The following SCARA5 variants were observed in gnomAD, a reference collection of about 807,000 sequenced individuals.
SCARA5 encodes scavenger receptor class A, member 5 (putative).
A neutral mutation model predicts 46.3 loss-of-function variants in SCARA5; 45 were observed. The observed-to-expected ratio is 0.97, with a 90% CI of 0.76 to 1.24. The LOEUF (loss-of-function observed/expected upper bound fraction) is 1.24. SCARA5 is among the 50% of genes most tolerant of loss of function. SCARA5 has a pLI of 0.00. For missense variants in SCARA5, 680 were observed against 689.0 expected (o/e 0.99, Z 0.15); for synonymous variants, 333 against 306.5 (o/e 1.09, Z -0.90).
intron 7 of SCARA5, among the ~76,000 whole-genome samples, chr8:27,901,581 C>T (rs1344765440): frequency 6.6e-6 from 1 of 152,126 alleles, no homozygotes; most frequent in African/African-American, 2.4e-5. Flanking sequence ...ATGGTTAATG[C>T]TTCTGGGACT....
At chr8:27,880,417 A>G (rs1057234621) in intron 7 of SCARA5, among the ~76,000 whole-genome samples, 1 of 151,910 alleles carries the variant, frequency 6.6e-6, no homozygotes, top group African/African-American at 2.4e-5. Context: ...ACCTATCAAC[A>G]AAGTGAACAG....
At chr8:27,945,615 C>G (rs1808023571) in intron 3 of SCARA5, among the ~76,000 whole-genome samples, 1 of 152,142 alleles carries the variant, frequency 6.6e-6, no homozygotes, top group African/African-American at 2.4e-5. Context: ...AAATCAACAA[C>G]AAGTAAATAA....
rs1451647428 is a variant in SCARA5, at chr8:27,871,301, T to C, written c.*633A>G. 2 of 350,708 alleles carry C rather than the reference T, an allele frequency of 5.7e-6. No individual in the cohort carries two copies. The highest frequency in any genetic ancestry group is 4.4e-5 in the African/African-American group (2 of 45,012). 21.7% of individuals were successfully genotyped at this position (350,708 alleles called of 1,614,324 possible). On this transcript the variant is annotated 3_prime_UTR_variant, in exon 9 of 9. Transcript: ENST00000354914. The stretch of plus-strand genomic sequence containing the variant: ...ACTATTTAGCGTGCCATGGTAGTCA[T>C]TCAATGTTAGTTTCATTCCCTTCTC...
At chr8:27,963,217 G>C (rs1453531690) in intron 3 of SCARA5, among the ~76,000 whole-genome samples, 4 of 152,218 alleles carry the variant, frequency 2.6e-5, no homozygotes, top group Non-Finnish European at 5.9e-5. Context: ...GTAAGACTGA[G>C]CTCCCTCTGA....
chr8:27,924,621 G>A (rs1807652573), intron 3 of SCARA5, among the ~76,000 whole-genome samples: 1 of 152,208 alleles, frequency 6.6e-6, no homozygotes, highest in Non-Finnish European at 1.5e-5. Context: ...AGTGCTGACT[G>A]TCAGAATTTT....
chr8:27,918,614 GA>G (rs1807509775), intron 4 of SCARA5, among the ~76,000 whole-genome samples: 1 of 144,742 alleles, frequency 6.9e-6, no homozygotes, highest in African/African-American at 2.6e-5. Context: ...GGAGGAGGAA[GA>G]GGAGGGGGAG....
At chr8:27,936,117 C>T (rs1807852849) in intron 3 of SCARA5, among the ~76,000 whole-genome samples, 2 of 152,202 alleles carry the variant, frequency 1.3e-5, no homozygotes, top group South Asian at 4.2e-4. Flanking sequence ...GCAGGAGACC[C>T]CTTTGAGAAA....
In SCARA5 at chr8:27,898,005, C is replaced by T. The variant is rs532950378; in HGVS notation, c.1153+6773G>A. Among the ~76,000 whole-genome samples the T allele has an allele frequency of 5.3e-5, 8 of 152,360 alleles. No individual in the cohort carries two copies. The East Asian group carries it at 1.2e-3, about 22-fold the overall frequency. On this transcript the variant is annotated intron_variant, in intron 7 of 8. Transcript: ENST00000354914. The stretch of plus-strand genomic sequence containing the variant: ...TAAGCATTTTTTCCCTGCCAGGGCA[C>T]GGGCCCAGCTCTGGTCTCTCTCCCT...
chr8:27,947,829 C>T (rs1261971203), intron 3 of SCARA5, among the ~76,000 whole-genome samples: 5 of 151,944 alleles, frequency 3.3e-5, no homozygotes, highest in African/African-American at 1.2e-4. Context: ...GAGCTGAGAT[C>T]ACGCCACTGT....
chr8:27,986,404 G>A (rs965425207), intron 2 of SCARA5, among the ~76,000 whole-genome samples: 7 of 152,196 alleles, frequency 4.6e-5, no homozygotes, highest in Non-Finnish European at 1.0e-4. Flanking sequence ...CTTCTACTGG[G>A]ATCATAAGCC....
intron 4 of SCARA5, among the ~76,000 whole-genome samples, chr8:27,917,674 T>C (rs1807483992): frequency 6.6e-6 from 1 of 152,230 alleles, no homozygotes; most frequent in Non-Finnish European, 1.5e-5. Context: ...AAGACCTTTT[T>C]GCAGGATGTG....
At chr8:27,946,311 G>A (rs1311258620) in intron 3 of SCARA5, among the ~76,000 whole-genome samples, 3 of 152,208 alleles carry the variant, frequency 2.0e-5, no homozygotes, top group Admixed American at 6.5e-5. Context: ...ACCAGGATTC[G>A]TGAAAACAAC....
At chr8:27,897,913 TACAA>T (rs1807091104) in intron 7 of SCARA5, among the ~76,000 whole-genome samples, 1 of 152,268 alleles carries the variant, frequency 6.6e-6, no homozygotes, top group Admixed American at 6.5e-5. Context: ...ATATCCAGAA[TACAA>T]ATATTAGTGG....
chr8:27,918,228 G>A (rs1025608005), intron 4 of SCARA5, among the ~76,000 whole-genome samples: 4 of 152,164 alleles, frequency 2.6e-5, no homozygotes, highest in African/African-American at 9.7e-5. Context: ...CTTGAGTAAG[G>A]CAGGGACTTC....
intron 7 of SCARA5, chr8:27,903,784 C>G (rs1023066156): frequency 1.5e-5 from 2 of 130,850 alleles, no homozygotes; most frequent in African/African-American, 5.3e-5. Flanking sequence ...CTGCAGTGGC[C>G]CCTGTCCCTG....
chr8:27,964,180 C>A (rs12548771), intron 3 of SCARA5, among the ~76,000 whole-genome samples: 4,620 of 152,264 alleles, frequency 0.03, 155 homozygotes, highest in East Asian at 0.096. Flanking sequence ...CAGACTTGTC[C>A]ACCATCTTGC....
intron 6 of SCARA5, among the ~76,000 whole-genome samples, chr8:27,906,036 T>A (rs562524160): frequency 6.6e-6 from 1 of 152,320 alleles, no homozygotes; most frequent in Admixed American, 6.5e-5. Context: ...AACAAGCATG[T>A]GCTGCTTTTA....
At chr8:27,930,430 T>C (rs1034084739) in intron 3 of SCARA5, among the ~76,000 whole-genome samples, 10 of 151,912 alleles carry the variant, frequency 6.6e-5, no homozygotes, top group African/African-American at 2.4e-4. Flanking sequence ...GAGACGGAGT[T>C]TCATTCTTGT....
rs560035483 is a variant in SCARA5, at chr8:27,981,418, CTG to C, written c.112+6084_112+6085del. ...GGTGGACAGGGCAGCTTTAAAGGAG[CTG>C]TGGTCTTTGGTGGAGGGACAGGAGC... On this transcript the variant is annotated intron_variant, in intron 2 of 8. Transcript: ENST00000354914. Among the ~76,000 whole-genome samples, 410 of 152,318 alleles carry C rather than the reference CTG, an allele frequency of 2.7e-3. 1 individual carries two copies. The highest frequency in any genetic ancestry group is 9.9e-3 in the Admixed American group (152 of 15,306).
Sources: allele counts gnomAD v4.1 joint callset (sites outside exome capture counted in the v4.1 genomes callset), GRCh38; gene constraint gnomAD v4.1.1; transcripts MANE v1.5; gene names NCBI Gene and HGNC (gene_info 2026-07-23, HGNC 2026-07-21).